The following NFIA variants were observed in gnomAD, a reference collection of about 807,000 sequenced individuals.
The protein encoded by NFIA is nuclear factor 1 A-type.
A neutral mutation model predicts 62.8 loss-of-function variants in NFIA; 8 were observed. The observed-to-expected ratio is 0.13, with a 90% CI of 0.07 to 0.23. The LOEUF is 0.23. Among genes scored for constraint, NFIA ranks in the 10% least tolerant of loss-of-function variants. The probability of loss-of-function intolerance (pLI) is 1.00; values close to 1 mark genes in which losing one functional copy is unlikely to be tolerated. For synonymous variants in NFIA, 235 were observed against 238.1 expected, an observed-to-expected ratio of 0.99 and a Z score of 0.12; for missense variants, 410 against 642.1, an observed-to-expected ratio of 0.64 and a Z score of 3.91.
chr1:61,440,140 G>A (rs938606079), intron 10 of NFIA, among the ~76,000 whole-genome samples: 3 of 152,144 alleles, frequency 2.0e-5, no homozygotes, highest in Non-Finnish European at 4.4e-5. Context: ...CAAGGGATTA[G>A]GATCGTGCTG....
chr1:61,403,396 C>A (rs2474383), intron 7 of NFIA, among the ~76,000 whole-genome samples: 2 of 151,938 alleles, frequency 1.3e-5, no homozygotes, highest in Non-Finnish European at 2.9e-5. Flanking sequence ...TGTAAGGGAG[C>A]AGTAGTTGTC....
At chr1:61,422,099 A>G (rs1444500121) in intron 9 of NFIA, among the ~76,000 whole-genome samples, 2 of 151,992 alleles carry the variant, frequency 1.3e-5, no homozygotes, top group East Asian at 3.9e-4. Flanking sequence ...TCATCTCCAC[A>G]AATAATTTTA....
intron 4 of NFIA, among the ~76,000 whole-genome samples, chr1:61,342,864 C>A (rs933825758): frequency 1.3e-5 from 2 of 152,186 alleles, no homozygotes; most frequent in Non-Finnish European, 2.9e-5. Context: ...TACTTAGTTG[C>A]ATGATCTTGA....
chr1:61,357,146 C>T (rs77123191), intron 5 of NFIA, among the ~76,000 whole-genome samples: 4,559 of 152,326 alleles, frequency 0.03, 246 homozygotes, highest in African/African-American at 0.1. Context: ...CCATCCTAAA[C>T]AGCTGGCAGT....
intron 2 of NFIA, among the ~76,000 whole-genome samples, chr1:61,212,213 A>G (rs74090319): frequency 0.051 from 7,705 of 152,272 alleles, 654 homozygotes; most frequent in African/African-American, 0.18. Flanking sequence ...CATCAAAGAC[A>G]GATTCCATCT....
intron 2 of NFIA, among the ~76,000 whole-genome samples, chr1:61,192,819 G>C (rs1184689365): frequency 6.6e-6 from 1 of 152,188 alleles, no homozygotes. Context: ...GGTTTGGGAA[G>C]TATTTCTGAT....
At chr1:61,315,980 A>G (rs1660345873) in intron 3 of NFIA, among the ~76,000 whole-genome samples, 1 of 152,222 alleles carries the variant, frequency 6.6e-6, no homozygotes, top group Non-Finnish European at 1.5e-5. Flanking sequence ...TGCAGTGAAC[A>G]CACCTTCTCA....
chr1:61,133,084 A>G (rs1013697589), intron 2 of NFIA: 1 of 152,204 alleles, frequency 6.6e-6, no homozygotes, highest in Non-Finnish European at 1.5e-5. Flanking sequence ...TCCTGTAAAA[A>G]AGCCCTCTCC....
chr1:61,300,108 A>C (rs1216995390), intron 3 of NFIA, among the ~76,000 whole-genome samples: 1 of 152,030 alleles, frequency 6.6e-6, no homozygotes, highest in Non-Finnish European at 1.5e-5. Context: ...AATTTTTTTA[A>C]CTTGTTTCAA....
At chr1:61,128,789 C>T (rs966805743) in intron 2 of NFIA, among the ~76,000 whole-genome samples, 3 of 151,888 alleles carry the variant, frequency 2.0e-5, no homozygotes, top group African/African-American at 7.3e-5. Flanking sequence ...GACTTGAGAC[C>T]TTAGGGAGAT....
chr1:61,361,104 G>A (rs924221740), intron 6 of NFIA, among the ~76,000 whole-genome samples: 1 of 152,220 alleles, frequency 6.6e-6, no homozygotes, highest in African/African-American at 2.4e-5. Flanking sequence ...GAAGCGCAGA[G>A]ATGGTGGTGT....
chr1:61,114,070 G>T (rs1450165587), intron 2 of NFIA, among the ~76,000 whole-genome samples: 1 of 152,116 alleles, frequency 6.6e-6, no homozygotes, highest in Non-Finnish European at 1.5e-5. Context: ...TATAAATCAT[G>T]ATGGTTTTTA....
chr1:61,217,139 C>T (rs1002913246), intron 2 of NFIA, among the ~76,000 whole-genome samples: 2 of 150,794 alleles, frequency 1.3e-5, no homozygotes, highest in Non-Finnish European at 3.0e-5. Flanking sequence ...TCACTGCAAC[C>T]TCCGCCTCCT....
intron 2 of NFIA, among the ~76,000 whole-genome samples, chr1:61,253,746 C>T (rs764104782): frequency 5.9e-5 from 9 of 152,124 alleles, no homozygotes; most frequent in Non-Finnish European, 1.0e-4. Flanking sequence ...AATGCATCTT[C>T]TCCTTATGTT....
intron 3 of NFIA, among the ~76,000 whole-genome samples, chr1:61,328,822 A>C (rs982594971): frequency 6.7e-6 from 1 of 149,346 alleles, no homozygotes; most frequent in African/African-American, 2.5e-5. Flanking sequence ...TCTTGGGTTC[A>C]AATGATTCTC....
chr1:61,334,575 A>G (rs1449560419), intron 4 of NFIA, among the ~76,000 whole-genome samples: 43,754 of 68,582 alleles, frequency 0.64, 12,964 homozygotes, highest in East Asian at 0.79. Flanking sequence ...ATATATATAT[A>G]TATATATATA....
chr1:61,128,788 C>A (rs1474413848), intron 2 of NFIA, among the ~76,000 whole-genome samples: 1 of 151,836 alleles, frequency 6.6e-6, no homozygotes, highest in African/African-American at 2.4e-5. Context: ...AGACTTGAGA[C>A]CTTAGGGAGA....
intron 3 of NFIA, among the ~76,000 whole-genome samples, chr1:61,306,051 C>G (rs924580482): frequency 1.3e-5 from 2 of 151,138 alleles, no homozygotes; most frequent in Non-Finnish European, 3.0e-5. Flanking sequence ...AGAGTTTCAC[C>G]GTGTTAGCCA....
In NFIA at chr1:61,268,964, T is replaced by A. The variant is rs144316980; in HGVS notation, c.560-8556T>A. Among the ~76,000 whole-genome samples, 353 of 152,246 alleles carry A rather than the reference T, an allele frequency of 2.3e-3. 1 individual carries two copies. Among genetic ancestry groups the A allele is most frequent in the Non-Finnish European group, 3.6e-3 (245 of 67,990 alleles). Reference sequence around the variant, plus strand: ...CACCGTCCCCTGAACCCGTGCTCCCTCCCTTGCCTCGTTGTTTGGGAAGCT... The same window carrying A: ...CACCGTCCCCTGAACCCGTGCTCCCACCCTTGCCTCGTTGTTTGGGAAGCT... On this transcript the variant is annotated intron_variant, in intron 2 of 10. Coordinates refer to ENST00000403491, the MANE Select transcript of NFIA (RefSeq NM_001134673.4).
Sources: allele counts gnomAD v4.1 joint callset (sites outside exome capture counted in the v4.1 genomes callset), GRCh38; gene constraint gnomAD v4.1.1; transcripts MANE v1.5; gene names NCBI Gene and HGNC (gene_info 2026-07-23, HGNC 2026-07-21).